Variants in PDLIM5 observed in about 807,000 individuals in gnomAD.
PDLIM5 encodes the protein PDZ and LIM domain 5.
Under a neutral mutation model 64.2 loss-of-function variants are expected in PDLIM5, and 34 were observed. The ratio of observed to expected loss-of-function variants is 0.53; its 90% CI spans 0.40 to 0.71. The LOEUF is 0.71. Ranked by LOEUF, PDLIM5 falls within the 30% of genes least tolerant of loss-of-function variation. The pLI is 0.00. For synonymous variants in PDLIM5, 253 were observed against 269.1 expected, an observed-to-expected ratio of 0.94 and a Z score of 0.59; for missense variants, 683 against 733.6, an observed-to-expected ratio of 0.93 and a Z score of 0.80.
At chr4:94,502,078 A>G (rs879340322) in intron 2 of PDLIM5, among the ~76,000 whole-genome samples, 2 of 134,170 alleles carry the variant, frequency 1.5e-5, no homozygotes, top group Middle Eastern at 3.6e-3. Flanking sequence ...CCTTATTCCT[A>G]CTCTTCTTCT....
At chr4:94,659,898 C>A (rs1264001332) in intron 11 of PDLIM5, among the ~76,000 whole-genome samples, 1 of 113,480 alleles carries the variant, frequency 8.8e-6, no homozygotes, top group African/African-American at 3.9e-5. Context: ...AAAAAAATTA[C>A]ACTTTTTTTT....
chr4:94,585,304 A>T (rs1184104511), intron 5 of PDLIM5, among the ~76,000 whole-genome samples: 1 of 151,986 alleles, frequency 6.6e-6, no homozygotes, highest in Non-Finnish European at 1.5e-5. Context: ...GTTAGCCAGG[A>T]TGGTCTCAAT....
intron 3 of PDLIM5, among the ~76,000 whole-genome samples, chr4:94,528,267 C>T (rs1730550071): frequency 6.6e-6 from 1 of 152,206 alleles, no homozygotes; most frequent in African/African-American, 2.4e-5. Context: ...TCTGTTCCTA[C>T]TATCGCACCT....
chr4:94,536,564 A>G (rs1412089203), intron 3 of PDLIM5, among the ~76,000 whole-genome samples: 3 of 152,210 alleles, frequency 2.0e-5, no homozygotes, highest in South Asian at 4.1e-4. Flanking sequence ...GCCTACCACC[A>G]TGGCTTAGAT....
At chr4:94,624,127 T>A (rs1739471154) in intron 8 of PDLIM5, among the ~76,000 whole-genome samples, 1 of 150,498 alleles carries the variant, frequency 6.6e-6, no homozygotes, top group Admixed American at 6.7e-5. Context: ...CTGGGCAACA[T>A]AGCGGGACCC....
At position 94,665,658 on chromosome 4, in the gene PDLIM5, G is replaced by T; in HGVS notation, c.*1591G>T. 9.6e-7 allele frequency: 1 copy of T among 1,045,664 alleles called. No individual in the cohort carries two copies. Among genetic ancestry groups the T allele is most frequent in the Non-Finnish European group, 1.2e-6 (1 of 869,368 alleles). The allele number at this position is 1,045,664 out of a possible 1,614,324, so 64.8% of individuals were successfully genotyped here. On this transcript the variant is annotated 3_prime_UTR_variant, in exon 13 of 13. Transcript: ENST00000317968. ...CCACTGGCTGATGAAGAGTTGAGAG[G>T]TCTCTTTGCAGAATGATCTTTTTGT...
rs574637911 is a variant in PDLIM5 at position 94,584,620 on chromosome 4, G to C, written c.711-945G>C. 5.0e-5 allele frequency: 10 copies of C among 201,074 alleles called. No homozygotes were observed. The South Asian group carries it at 1.0e-3, about 20-fold the overall frequency. 12.5% of individuals were successfully genotyped at this position (201,074 alleles called of 1,614,324 possible). Reference sequence around the variant, plus strand: ...GCTTTCTTTAGGAGAAGGAATACCTGTACATATGAATGAGAAAACTGTAGA... The same window carrying C: ...GCTTTCTTTAGGAGAAGGAATACCTCTACATATGAATGAGAAAACTGTAGA... On this transcript the variant is annotated intron_variant, in intron 5 of 12. Coordinates refer to ENST00000317968, the MANE Select transcript of PDLIM5 (RefSeq NM_006457.5).
At chr4:94,597,917 A>G (rs1737195187) in intron 7 of PDLIM5, among the ~76,000 whole-genome samples, 1 of 152,212 alleles carries the variant, frequency 6.6e-6, no homozygotes, top group Admixed American at 6.5e-5. Context: ...ACCCAGAATA[A>G]GTTCTCAAGA....
chr4:94,527,538 C>T (rs1730485126), intron 3 of PDLIM5, among the ~76,000 whole-genome samples: 1 of 152,140 alleles, frequency 6.6e-6, no homozygotes, highest in Non-Finnish European at 1.5e-5. Flanking sequence ...TTGTCTTAGT[C>T]CAATTTCCTA....
chr4:94,456,492 C>T lies in PDLIM5; in HGVS notation c.96+1108C>T, dbSNP rs537228449. ...AGATTACAGGCGTGAGCCACCGTGC[C>T]TGGCCCACACTGTTTTATACTTTGC... On this transcript the variant is annotated intron_variant, in intron 2 of 12. Transcript: ENST00000317968. The T allele has an allele frequency of 8.2e-4, 578 of 703,372 alleles. 2 individuals carry two copies. The Middle Eastern group carries it at 0.015, about 18-fold the overall frequency. 43.6% of individuals were successfully genotyped at this position (703,372 alleles called of 1,614,324 possible).
chr4:94,626,036 T>G (rs1244718799), intron 8 of PDLIM5, among the ~76,000 whole-genome samples: 1 of 152,242 alleles, frequency 6.6e-6, no homozygotes, highest in Non-Finnish European at 1.5e-5. Context: ...ATAAAAGTTG[T>G]GACCATTTGA....
chr4:94,612,599 C>A (rs1472916333), intron 7 of PDLIM5, among the ~76,000 whole-genome samples: 1 of 152,138 alleles, frequency 6.6e-6, no homozygotes, highest in Non-Finnish European at 1.5e-5. Flanking sequence ...TATGGCCCCA[C>A]CTCTAGAGCG....
chr4:94,556,982 T>G (rs1578369748), intron 3 of PDLIM5, among the ~76,000 whole-genome samples: 2 of 152,330 alleles, frequency 1.3e-5, no homozygotes, highest in East Asian at 3.9e-4. Context: ...TCCTTGCCCA[T>G]GCCTGTGTCC....
At chr4:94,587,795 T>C in intron 7 of PDLIM5, 1 of 890,802 alleles carries the variant, frequency 1.1e-6, no homozygotes, top group Non-Finnish European at 1.3e-6. Flanking sequence ...GAAATATCTC[T>C]AGTGGATATT....
intron 11 of PDLIM5, among the ~76,000 whole-genome samples, chr4:94,660,781 C>T (rs914226256): frequency 1.3e-5 from 2 of 152,138 alleles, no homozygotes; most frequent in South Asian, 2.1e-4. Flanking sequence ...CCTTCCTCTC[C>T]AGCTGAGGTT....
chr4:94,591,184 T>C (rs1302705763), intron 7 of PDLIM5, among the ~76,000 whole-genome samples: 4 of 152,238 alleles, frequency 2.6e-5, no homozygotes, highest in African/African-American at 9.6e-5. Flanking sequence ...AAATCTTAGC[T>C]AGAATTGTCT....
At chr4:94,583,647 A>G (rs1440711836) in intron 5 of PDLIM5, among the ~76,000 whole-genome samples, 2 of 152,120 alleles carry the variant, frequency 1.3e-5, no homozygotes, top group Admixed American at 6.6e-5. Context: ...ATATTAGTGG[A>G]AGGTCTTTTA....
At chr4:94,610,296 A>G (rs1578466880) in intron 7 of PDLIM5, 1 of 1,514,238 alleles carries the variant, frequency 6.6e-7, no homozygotes, top group Admixed American at 2.1e-5. Context: ...TTATTGCTAC[A>G]AAAACCAGGT....
chr4:94,661,071 G>T (rs541101533), intron 11 of PDLIM5, among the ~76,000 whole-genome samples: 8 of 152,058 alleles, frequency 5.3e-5, no homozygotes, highest in Non-Finnish European at 1.0e-4. Flanking sequence ...GCAAGAGAGC[G>T]AGACTCTGTC....
Sources: allele counts gnomAD v4.1 joint callset (sites outside exome capture counted in the v4.1 genomes callset), GRCh38; gene constraint gnomAD v4.1.1; transcripts MANE v1.5; gene names NCBI Gene and HGNC (gene_info 2026-07-23, HGNC 2026-07-21).